The following DAAM1 variants were observed in gnomAD, a reference collection of about 807,000 sequenced individuals.
DAAM1 encodes the protein dishevelled associated activator of morphogenesis 1.
DAAM1 carries 52 observed loss-of-function variants against 130.0 expected under a neutral mutation model. The observed-to-expected ratio is 0.40, with a 90% CI of 0.32 to 0.50. The LOEUF (loss-of-function observed/expected upper bound fraction) is 0.50, where lower values mean the gene tolerates loss of function less well. Among genes scored for constraint, DAAM1 ranks in the 20% least tolerant of loss-of-function variants. The pLI is 0.61. For missense variants in DAAM1, 1,134 were observed against 1,303.8 expected, an observed-to-expected ratio of 0.87 and a Z score of 2.01; for synonymous variants, 452 against 444.5, an observed-to-expected ratio of 1.02 and a Z score of -0.21.
intron 3 of DAAM1, among the ~76,000 whole-genome samples, chr14:59,295,800 G>C (rs1003691173): frequency 6.6e-6 from 1 of 152,192 alleles, no homozygotes; most frequent in African/African-American, 2.4e-5. Flanking sequence ...GGGTAAACTG[G>C]GAAGGGAAGC....
chr14:59,270,353 A>T (rs542359578), intron 2 of DAAM1, among the ~76,000 whole-genome samples: 1 of 152,314 alleles, frequency 6.6e-6, no homozygotes, highest in East Asian at 1.9e-4. Flanking sequence ...ATGTGCAGAG[A>T]TCACGTGGCC....
intron 3 of DAAM1, among the ~76,000 whole-genome samples, chr14:59,313,796 A>G (rs546731586): frequency 6.6e-6 from 1 of 152,174 alleles, no homozygotes; most frequent in Non-Finnish European, 1.5e-5. Context: ...TTAAAGTATA[A>G]CCAAGGCCTG....
At chr14:59,284,262 C>G (rs1002567202) in intron 2 of DAAM1, among the ~76,000 whole-genome samples, 3 of 151,806 alleles carry the variant, frequency 2.0e-5, no homozygotes, top group South Asian at 2.1e-4. Context: ...AAGGGAAAAT[C>G]AAAGGGGAAA....
chr14:59,333,864 A>G (rs1885532127), intron 15 of DAAM1, among the ~76,000 whole-genome samples: 2 of 152,228 alleles, frequency 1.3e-5, no homozygotes, highest in Non-Finnish European at 1.5e-5. Flanking sequence ...TGGGACAAAT[A>G]TGTGGACAGT....
chr14:59,352,687 T>A, intron 18 of DAAM1, 55 bp downstream of exon 18: 2 of 1,480,600 alleles, frequency 1.4e-6, no homozygotes, highest in Non-Finnish European at 1.9e-6. Flanking sequence ...CTAAGCTTCA[T>A]GAATTTTCAA....
intron 1 of DAAM1, among the ~76,000 whole-genome samples, chr14:59,244,514 C>G (rs1881277887): frequency 6.6e-6 from 1 of 152,168 alleles, no homozygotes; most frequent in Admixed American, 6.5e-5. Context: ...GCACACATCT[C>G]TTTTGTTCAT....
chr14:59,276,273 T>C (rs891495571), intron 2 of DAAM1, among the ~76,000 whole-genome samples: 22 of 152,236 alleles, frequency 1.4e-4, no homozygotes, highest in Admixed American at 9.2e-4. Flanking sequence ...ATTTTCTCCA[T>C]GCATTTTATA....
intron 1 of DAAM1, among the ~76,000 whole-genome samples, chr14:59,203,158 A>ATTTTTTTTTTTTTTTTTTTTTTTT (rs57437992): frequency 9.2e-6 from 1 of 108,114 alleles, no homozygotes; most frequent in Non-Finnish European, 1.8e-5. Flanking sequence ...CTTCTGGCTA[A>ATTTTTTTTTTTTTTTTTTTTTTTT]TTTTTTTTTT....
chr14:59,289,767 G>C (rs1450724129), intron 2 of DAAM1, among the ~76,000 whole-genome samples: 1 of 110,220 alleles, frequency 9.1e-6, no homozygotes, highest in African/African-American at 3.6e-5. Flanking sequence ...AACAAAATGT[G>C]ATATATATAT....
intron 1 of DAAM1, among the ~76,000 whole-genome samples, chr14:59,250,143 A>T (rs1469128225): frequency 1.3e-5 from 2 of 152,232 alleles, no homozygotes; most frequent in Non-Finnish European, 2.9e-5. Flanking sequence ...ACTGGCCCTG[A>T]GACCGTTTGA....
At chr14:59,310,422 C>T (rs887742317) in intron 3 of DAAM1, among the ~76,000 whole-genome samples, 7 of 152,014 alleles carry the variant, frequency 4.6e-5, no homozygotes, top group East Asian at 1.9e-4. Flanking sequence ...TGTGAGCCAC[C>T]GTGCCTGGCC....
rs1241806014 is a variant in DAAM1, at chr14:59,324,178, G to A, written c.825G>A (p.Val275=). 1 of 1,460,942 alleles carries A rather than the reference G, an allele frequency of 6.8e-7. No homozygotes were observed. Among genetic ancestry groups the A allele is most frequent in the Non-Finnish European group, 9.1e-7 (1 of 1,097,822 alleles). 90.5% of individuals were successfully genotyped at this position (1,460,942 alleles called of 1,614,324 possible). ...GCACTGGGCGGTATCGAGATGAAGT[G>A]AGTCTCAAGACTGCCATCATGTCCT... ...DKSTGRYRDE[V]SLKTAIMSFI... is the part of the protein sequence containing the mutation. Residue 275 remains valine, a synonymous_variant, in exon 7 of 25, where the codon GTG becomes GTA. Coordinates refer to ENST00000360909, the MANE Select transcript of DAAM1 (RefSeq NM_001270520.2).
At chr14:59,337,916 C>T (rs1885690480) in intron 15 of DAAM1, among the ~76,000 whole-genome samples, 2 of 152,048 alleles carry the variant, frequency 1.3e-5, no homozygotes, top group Admixed American at 1.3e-4. Flanking sequence ...AGATTATTTT[C>T]ATCAAAAAAA....
At chr14:59,217,969 T>C (rs1888642780) in intron 1 of DAAM1, among the ~76,000 whole-genome samples, 1 of 146,140 alleles carries the variant, frequency 6.8e-6, no homozygotes, top group Non-Finnish European at 1.5e-5. Context: ...CGACTCTGTC[T>C]CAAAAAAAAA....
intron 5 of DAAM1, among the ~76,000 whole-genome samples, chr14:59,321,532 A>G (rs971305479): frequency 6.6e-6 from 1 of 152,154 alleles, no homozygotes; most frequent in Non-Finnish European, 1.5e-5. Context: ...ATCAGCTTCT[A>G]TGTTGTGCCT....
intron 1 of DAAM1, among the ~76,000 whole-genome samples, chr14:59,216,273 T>C (rs986756062): frequency 6.6e-6 from 1 of 152,208 alleles, no homozygotes; most frequent in Non-Finnish European, 1.5e-5. Context: ...TACTGTGTTA[T>C]TTCTGTATTT....
chr14:59,253,322 A>C (rs1881731082), intron 1 of DAAM1, among the ~76,000 whole-genome samples: 1 of 152,168 alleles, frequency 6.6e-6, no homozygotes, highest in Non-Finnish European at 1.5e-5. Context: ...TTTTTCCCTA[A>C]CTGGAAAGCA....
intron 2 of DAAM1, chr14:59,266,310 A>G (rs1048030853): frequency 1.3e-5 from 2 of 152,094 alleles, no homozygotes; most frequent in African/African-American, 4.8e-5. Context: ...GACTGCCCTC[A>G]GTGGTAGTAG....
chr14:59,354,860 G>A (rs1886417611), intron 19 of DAAM1, among the ~76,000 whole-genome samples: 1 of 152,150 alleles, frequency 6.6e-6, no homozygotes, highest in Non-Finnish European at 1.5e-5. Context: ...CTTGGAGATG[G>A]GATTGCTATT....
Sources: allele counts gnomAD v4.1 joint callset (sites outside exome capture counted in the v4.1 genomes callset), GRCh38; gene constraint gnomAD v4.1.1; transcripts MANE v1.5; gene names NCBI Gene and HGNC (gene_info 2026-07-23, HGNC 2026-07-21).